The following CREBBP variants were observed in gnomAD, a reference collection of about 807,000 sequenced individuals.
CREBBP encodes CREB-binding protein.
Under a neutral mutation model 265.0 loss-of-function variants are expected in CREBBP, and 19 were observed. The ratio of observed to expected loss-of-function variants is 0.07; its 90% confidence interval spans 0.05 to 0.11. CREBBP has a LOEUF of 0.11. Ranked by LOEUF, CREBBP falls within the 10% of genes least tolerant of loss-of-function variation. CREBBP has a pLI of 1.00. For synonymous variants in CREBBP, 1,457 were observed against 1,223.7 expected, an observed-to-expected ratio of 1.19 and a Z score of -3.98; for missense variants, 2,525 against 3,219.0, an observed-to-expected ratio of 0.78 and a Z score of 5.22.
At chr16:3,879,364 G>A (rs903004224) in intron 1 of CREBBP, among the ~76,000 whole-genome samples, 8 of 152,166 alleles carry the variant, frequency 5.3e-5, no homozygotes, top group East Asian at 1.9e-4. Flanking sequence ...TGCTGTGAGT[G>A]TCCTCTGAAT....
rs551569596 is a variant in CREBBP at position 3,726,221 on chromosome 16, G to C, written c.*1497C>G. The C allele has an allele frequency of 4.4e-6, 1 of 225,202 alleles. No homozygotes were observed. Among genetic ancestry groups the C allele is most frequent in the East Asian group, 6.2e-5 (1 of 16,198 alleles). 14.0% of individuals were successfully genotyped at this position (225,202 alleles called of 1,614,324 possible). A position where few individuals can be genotyped will look rare whatever the true frequency, so the allele number is the denominator to read the frequency against. On this transcript the variant is annotated 3_prime_UTR_variant, in exon 31 of 31. Transcript: ENST00000262367. Reference sequence around the variant, plus strand: ...CGAGCCTGGAGCACTCTCTGCCTCAGATTCTGGGAGTCGTGTACGGGGGGG... The same window carrying C: ...CGAGCCTGGAGCACTCTCTGCCTCACATTCTGGGAGTCGTGTACGGGGGGG...
rs563630701 is a variant in CREBBP at position 3,864,737 on chromosome 16, C to G, written c.86-13728G>C. ...TGATGGAGAATCACAAGCTGAAGAA[C>G]AACCTTAGTGTTACTCATCATAGAC... On this transcript the variant is annotated intron_variant, in intron 1 of 30. Transcript: ENST00000262367. 2.6e-5 allele frequency among the ~76,000 whole-genome samples: 4 copies of G among 152,284 alleles called. No individual in the cohort carries two copies. In the East Asian group the frequency reaches 7.7e-4, roughly 29 times the overall value.
Position 3,806,688 on chromosome 16 carries a change from TCTC to T in CREBBP, c.975+3912_975+3914del, listed in dbSNP as rs1406228021. ...CTTCCAGAAGGATCGCCCTTGAACT[TCTC>T]CTCCTCACTCAGCTAAAGTGGCTTC... is the stretch of plus-strand genomic sequence containing the variant. On this transcript the variant is annotated intron_variant, in intron 3 of 30. Coordinates refer to ENST00000262367, the MANE Select transcript of CREBBP (RefSeq NM_004380.3). Among the ~76,000 whole-genome samples the T allele has an allele frequency of 4.6e-5, 7 of 151,970 alleles. No individual in the cohort carries two copies. In the South Asian group the frequency reaches 1.5e-3, roughly 32 times the overall value.
At chr16:3,816,390 G>A (rs2054036515) in intron 2 of CREBBP, among the ~76,000 whole-genome samples, 1 of 152,172 alleles carries the variant, frequency 6.6e-6, no homozygotes, top group Admixed American at 6.5e-5. Flanking sequence ...TCCAACCACT[G>A]CCCCCAAGAA....
chr16:3,777,864 C>T (rs1008892233), intron 10 of CREBBP, 147 bp downstream of exon 10: 2 of 1,109,900 alleles, frequency 1.8e-6, no homozygotes, highest in Non-Finnish European at 2.7e-6. Context: ...CAGCCTGAGG[C>T]AGGTGGTCAG....
chr16:3,732,131 C>T (rs1167860807), intron 28 of CREBBP, among the ~76,000 whole-genome samples, 194 bp from the exon 29 acceptor site: 2 of 152,222 alleles, frequency 1.3e-5, no homozygotes, highest in South Asian at 2.1e-4. Context: ...TGTCCTCGGC[C>T]AGGCTGGTGT....
Position 3,731,683 on chromosome 16 carries a change from C to T in CREBBP, c.4890+93G>A. 4 of 1,570,124 alleles carry T rather than the reference C, an allele frequency of 2.5e-6. No individual in the cohort carries two copies. Among genetic ancestry groups the T allele is most frequent in the Non-Finnish European group, 3.5e-6 (4 of 1,142,682 alleles). ...TTCCTGGGGGCCACTTCCCTCCCACCACAGACCTGCACACGGGCCCACGCC... is the reference window on the plus strand; with the variant it reads ...TTCCTGGGGGCCACTTCCCTCCCACTACAGACCTGCACACGGGCCCACGCC... On this transcript the variant is annotated intron_variant, in intron 29 of 30. Transcript: ENST00000262367. This position sits in a 1 kb window ranked among gnomAD's most constrained non-coding sequence, Gnocchi z 7.7.
chr16:3,800,366 G>A (rs1449364796), intron 3 of CREBBP, among the ~76,000 whole-genome samples: 2 of 152,084 alleles, frequency 1.3e-5, no homozygotes, highest in South Asian at 2.1e-4. Flanking sequence ...CAATTATCTC[G>A]CCTTGGCCTC....
chr16:3,843,874 C>T (rs6500554), intron 2 of CREBBP, among the ~76,000 whole-genome samples: 137,894 of 151,872 alleles, frequency 0.91, 63,786 homozygotes, highest in Non-Finnish European at 0.99. Context: ...TTCGGCCGGG[C>T]GCGGTGGCTC....
chr16:3,873,899 T>C (rs189213794), intron 1 of CREBBP, among the ~76,000 whole-genome samples: 1 of 152,252 alleles, frequency 6.6e-6, no homozygotes, highest in East Asian at 1.9e-4. Flanking sequence ...AAATACTATA[T>C]AATTCTTTCA....
At chr16:3,769,610 T>C (rs900531473) in intron 14 of CREBBP, among the ~76,000 whole-genome samples, 2 of 152,214 alleles carry the variant, frequency 1.3e-5, no homozygotes, top group African/African-American at 2.4e-5. Flanking sequence ...TGACATAAAT[T>C]TATTTTCTCG....
chr16:3,750,848 A>G (rs2052456336), intron 20 of CREBBP, among the ~76,000 whole-genome samples: 1 of 152,222 alleles, frequency 6.6e-6, no homozygotes, highest in South Asian at 2.1e-4. Context: ...AAGTGGAGAT[A>G]AACTAAATGT....
intron 1 of CREBBP, among the ~76,000 whole-genome samples, chr16:3,865,319 A>G (rs2055155842): frequency 6.6e-6 from 1 of 152,220 alleles, no homozygotes; most frequent in Non-Finnish European, 1.5e-5. Flanking sequence ...AATAACCTAA[A>G]TGTCCACCAG....
At chr16:3,877,311 A>C (rs2055423203) in intron 1 of CREBBP, among the ~76,000 whole-genome samples, 1 of 151,870 alleles carries the variant, frequency 6.6e-6, no homozygotes, top group Non-Finnish European at 1.5e-5. Context: ...TAATGTAAAA[A>C]CTCAAGCCAT....
intron 3 of CREBBP, among the ~76,000 whole-genome samples, chr16:3,807,794 G>C (rs982552145): frequency 6.6e-6 from 1 of 152,216 alleles, no homozygotes; most frequent in South Asian, 2.1e-4. Flanking sequence ...GGGAGACCAT[G>C]TGTGCTGGTA....
chr16:3,879,800 C>A (rs201905969), intron 1 of CREBBP, 32 bp downstream of exon 1: 2 of 1,553,504 alleles, frequency 1.3e-6, no homozygotes, highest in Non-Finnish European at 8.7e-7. Flanking sequence ...CAGCGCGCCC[C>A]GGGCCCCCGC....
chr16:3,813,523 A>G (rs878991896), intron 2 of CREBBP, among the ~76,000 whole-genome samples: 1 of 152,230 alleles, frequency 6.6e-6, no homozygotes, highest in Admixed American at 6.5e-5. Context: ...GTCTTATTAC[A>G]TATAACCAAA....
intron 4 of CREBBP, among the ~76,000 whole-genome samples, chr16:3,792,375 C>T (rs957750106): frequency 2.0e-5 from 3 of 152,154 alleles, no homozygotes; most frequent in African/African-American, 4.8e-5. Context: ...CCTGGAATAG[C>T]GAACAACTGC....
rs1041716234 is a variant in CREBBP at position 3,749,561 on chromosome 16, A to G, written c.3836+66T>C. On this transcript the variant is annotated intron_variant, in intron 21 of 30. Coordinates refer to ENST00000262367, the MANE Select transcript of CREBBP (RefSeq NM_004380.3). ...AATGTTTTTACCCACAACCCACTCC[A>G]TAAGGAGTAACTTTACCGATTTCAA... is the stretch of plus-strand genomic sequence containing the variant. The G allele has an allele frequency of 8.9e-5, 98 of 1,097,684 alleles. 1 individual carries two copies. Among genetic ancestry groups the G allele is most frequent in the Non-Finnish European group, 1.3e-4 (91 of 720,556 alleles). 68.0% of individuals were successfully genotyped at this position (1,097,684 alleles called of 1,614,324 possible). A position where few individuals can be genotyped will look rare whatever the true frequency, so the allele number is the denominator to read the frequency against.
Sources: allele counts gnomAD v4.1 joint callset (sites outside exome capture counted in the v4.1 genomes callset), GRCh38; gene constraint gnomAD v4.1.1; non-coding constraint Gnocchi (gnomAD v3.1); transcripts MANE v1.5; gene names NCBI Gene and HGNC (gene_info 2026-07-23, HGNC 2026-07-21).